Variants in SLC14A2 observed in about 807,000 individuals in gnomAD.
SLC14A2 encodes the protein urea transporter 2.
SLC14A2 carries 91 observed loss-of-function variants against 104.6 expected under a neutral mutation model. The ratio of observed to expected loss-of-function variants is 0.87; its 90% CI spans 0.73 to 1.04. SLC14A2 has a LOEUF of 1.04. Among genes scored for constraint, SLC14A2 ranks in the 50% least tolerant of loss-of-function variants. SLC14A2 has a pLI of 0.00. For missense variants in SLC14A2, 1,189 were observed against 1,156.0 expected, an observed-to-expected ratio of 1.03 and a Z score of -0.41; for synonymous variants, 476 against 466.4, an observed-to-expected ratio of 1.02 and a Z score of -0.27.
intron 18 of SLC14A2, among the ~76,000 whole-genome samples, chr18:45,676,137 T>C (rs1278263837): frequency 1.3e-5 from 2 of 152,196 alleles, no homozygotes; most frequent in African/African-American, 4.8e-5. Flanking sequence ...TCAGTCGTCA[T>C]TTATATTATT....
At chr18:45,193,144 G>T in the SLC14A2 span, among the ~76,000 whole-genome samples, 1 of 152,048 alleles carries the variant, frequency 6.6e-6, no homozygotes, top group Non-Finnish European at 1.5e-5. Flanking sequence ...CAATCCTTTA[G>T]CAGACACATA....
intron 2 of SLC14A2, among the ~76,000 whole-genome samples, chr18:45,597,667 G>T (rs546799705): frequency 6.6e-6 from 1 of 152,290 alleles, no homozygotes; most frequent in East Asian, 1.9e-4. Context: ...CCCTGCAGAG[G>T]TTTTGAGCAG....
chr18:45,543,852 A>C (rs2043927062), intron 2 of SLC14A2, among the ~76,000 whole-genome samples: 1 of 152,218 alleles, frequency 6.6e-6, no homozygotes, highest in African/African-American at 2.4e-5. Context: ...CATTGTGCCT[A>C]AACTGTACAA....
chr18:45,276,820 C>T (rs941548508), intron 1 of SLC14A2, among the ~76,000 whole-genome samples: 3 of 152,158 alleles, frequency 2.0e-5, no homozygotes, highest in Non-Finnish European at 2.9e-5. Flanking sequence ...CAAGCTACAC[C>T]GTAAAGGTTG....
At chr18:45,587,671 C>G (rs556569936) in intron 2 of SLC14A2, among the ~76,000 whole-genome samples, 9 of 152,278 alleles carry the variant, frequency 5.9e-5, no homozygotes, top group African/African-American at 2.2e-4. Context: ...TCTTGGAAGT[C>G]ACTTAATCCA....
chr18:45,424,103 C>T (rs1363402349), intron 1 of SLC14A2: 1 of 152,146 alleles, frequency 6.6e-6, no homozygotes, highest in Non-Finnish European at 1.5e-5. Flanking sequence ...TTGAAGACGT[C>T]ACGTAACAGC....
chr18:45,666,085 G>A, intron 11 of SLC14A2, 52 bp from the exon 12 acceptor site: 2 of 1,236,660 alleles, frequency 1.6e-6, no homozygotes, highest in Non-Finnish European at 2.4e-6. Context: ...AGCTTCTGAG[G>A]TGCCAGAGTA....
intron 1 of SLC14A2, among the ~76,000 whole-genome samples, chr18:45,414,389 T>C (rs1341589010): frequency 6.6e-6 from 1 of 152,176 alleles, no homozygotes; most frequent in East Asian, 1.9e-4. Context: ...TTTGGAATTC[T>C]AGAATAATGA....
intron 1 of SLC14A2, among the ~76,000 whole-genome samples, chr18:45,414,757 A>ATATATATATAT (rs1555684043): frequency 1.1e-4 from 8 of 76,102 alleles, no homozygotes; most frequent in African/African-American, 2.3e-4. Flanking sequence ...AAAAAAAAAA[A>ATATATATATAT]ATATATATAT....
At chr18:45,445,076 A>G (rs1291172246) in intron 1 of SLC14A2, among the ~76,000 whole-genome samples, 1 of 142,910 alleles carries the variant, frequency 7.0e-6, no homozygotes, top group Non-Finnish European at 1.5e-5. Context: ...AAATGTGCAG[A>G]TGTTTAACTC....
chr18:45,428,947 C>T (rs2086474009), intron 1 of SLC14A2, among the ~76,000 whole-genome samples: 1 of 152,138 alleles, frequency 6.6e-6, no homozygotes, highest in South Asian at 2.1e-4. Flanking sequence ...ATGCACTTTT[C>T]CTAAATGCAT....
intron 1 of SLC14A2, among the ~76,000 whole-genome samples, chr18:45,444,534 A>G (rs2612587): frequency 1 from 152,219 of 152,344 alleles, 76,047 homozygotes; most frequent in Non-Finnish European, 1. Flanking sequence ...TGATCTGTCC[A>G]TATTTAAAAA....
rs766250268 is a variant in SLC14A2 at position 45,627,005 on chromosome 18, G to A, written c.379G>A (p.Ala127Thr). Residue 127 changes from alanine (A) to threonine (T), a missense_variant, in exon 4 of 20, where the codon GCT becomes ACT. Transcript: ENST00000255226. ...QFIDWVLRGT[A>T]QVMFINNPLS... is the part of the protein sequence containing the mutation. The stretch of plus-strand genomic sequence containing the variant: ...CATAGACTGGGTCCTGAGAGGGACC[G>A]CTCAGGTGATGTTCATCAACAATCC... The A allele has an allele frequency of 8.1e-6, 13 of 1,612,388 alleles. No individual in the cohort carries two copies. Among genetic ancestry groups the A allele is most frequent in the Admixed American group, 5.0e-5 (3 of 60,006 alleles).
chr18:45,601,966 C>T (rs968203248), intron 2 of SLC14A2, among the ~76,000 whole-genome samples: 5 of 152,206 alleles, frequency 3.3e-5, no homozygotes, highest in African/African-American at 9.7e-5. Context: ...GCCATTCTGT[C>T]GGGTGAGGGC....
rs1444175448 is a variant in SLC14A2, at chr18:45,669,626, C to CAT, written c.2229+135_2229+136dup. The stretch of plus-strand genomic sequence containing the variant: ...CAATTACACAGTACCAAGCATTCTA[C>CAT]ATATATATCTCATGAGCTGCCATCC... On this transcript the variant is annotated intron_variant, in intron 16 of 19. Coordinates refer to ENST00000255226, the MANE Select transcript of SLC14A2 (RefSeq NM_007163.4). 4 of 742,808 alleles carry CAT rather than the reference C, an allele frequency of 5.4e-6. No individual in the cohort carries two copies. The East Asian group carries it at 1.1e-4, about 21-fold the overall frequency. The allele number at this position is 742,808 out of a possible 1,614,324, so 46.0% of individuals were successfully genotyped here. A position where few individuals can be genotyped will look rare whatever the true frequency, so the allele number is the denominator to read the frequency against.
rs1383924947 is a variant in SLC14A2, at chr18:45,667,011, C to A, written c.1634C>A (p.Ser545Tyr). ...NISKTSWIRSSMAASGKRVSK... is the reference protein window; with the variant it reads ...NISKTSWIRSYMAASGKRVSK... The stretch of plus-strand genomic sequence containing the variant: ...TCCAAGACATCCTGGATTCGGAGTT[C>A]CATGGCTGCCAGTGGGAAAAGGGTC... The change falls in exon 13 of 20, where the codon TCC (serine) becomes TAC (tyrosine). Residue 545 changes from serine (S) to tyrosine (Y), a missense_variant. Transcript: ENST00000255226. 6.2e-7 allele frequency: 1 copy of A among 1,613,878 alleles called. No individual in the cohort carries two copies. Among genetic ancestry groups the A allele is most frequent in the Admixed American group, 1.7e-5 (1 of 60,020 alleles).
At chr18:45,457,205 A>T (rs2086958978) in intron 1 of SLC14A2, among the ~76,000 whole-genome samples, 1 of 152,208 alleles carries the variant, frequency 6.6e-6, no homozygotes, top group Non-Finnish European at 1.5e-5. Context: ...TCAGCTACCA[A>T]ATAAGACTAA....
intron 1 of SLC14A2, among the ~76,000 whole-genome samples, chr18:45,469,097 G>C (rs933456498): frequency 1.3e-5 from 2 of 152,160 alleles, no homozygotes; most frequent in Non-Finnish European, 2.9e-5. Flanking sequence ...TGGATATGTA[G>C]GGAAGAAAAG....
At chr18:45,312,213 G>T (rs2085085813) in intron 1 of SLC14A2, among the ~76,000 whole-genome samples, 1 of 152,144 alleles carries the variant, frequency 6.6e-6, no homozygotes, top group African/African-American at 2.4e-5. Flanking sequence ...ACTTAACGTG[G>T]TGTTTTTCTC....
Sources: gnomAD v4.1 joint callset for allele counts (sites outside exome capture counted in the v4.1 genomes callset) on GRCh38, gnomAD v4.1.1 for gene constraint, MANE v1.5 for transcripts, NCBI Gene and HGNC (gene_info 2026-07-23, HGNC 2026-07-21) for gene names.